TBC1D15: variants seen among roughly 807,000 people sequenced by gnomAD.
TBC1D15 encodes the protein TBC1 domain family member 15, also known as GAP for RAB7.
A neutral mutation model predicts 95.4 loss-of-function variants in TBC1D15; 39 were observed. The observed-to-expected ratio is 0.41, with a 90% confidence interval of 0.32 to 0.53. The LOEUF is 0.53. TBC1D15 is among the 20% of genes least tolerant of loss of function. TBC1D15 has a pLI of 0.29. For synonymous variants in TBC1D15, 258 were observed against 261.3 expected (o/e 0.99, Z 0.12); for missense variants, 733 against 794.3 (o/e 0.92, Z 0.93).
At chr12:71,921,332 G>T (rs1869243996) in intron 15 of TBC1D15, 36 bp from the exon 16 acceptor site, 1 of 1,263,162 alleles carries the variant, frequency 7.9e-7, no homozygotes, top group Non-Finnish European at 1.1e-6. Flanking sequence ...AGTGTATTCA[G>T]TTTCGATATC....
At chr12:71,914,260 A>T (rs574490047) in intron 12 of TBC1D15, among the ~76,000 whole-genome samples, 86 of 152,056 alleles carry the variant, frequency 5.7e-4, no homozygotes, top group African/African-American at 1.9e-3. Context: ...CTTTAATATC[A>T]TCTGTTTCAG....
Position 71,921,467 on chromosome 12 carries a change from T to C in TBC1D15, c.1803+13T>C, listed in dbSNP as rs1869306325. The stretch of plus-strand genomic sequence containing the variant: ...GGTAAAATGCAAGGTATACAGTGTT[T>C]CAAGTAATTGCAAGATTTGTTTGTT... On this transcript the variant is annotated intron_variant, in intron 16 of 16. Transcript: ENST00000485960. 2 of 1,422,486 alleles carry C rather than the reference T, an allele frequency of 1.4e-6. No homozygotes were observed. The highest frequency in any genetic ancestry group is 5.0e-5 in the East Asian group (2 of 39,720). 88.1% of individuals were successfully genotyped at this position (1,422,486 alleles called of 1,614,324 possible). A position where few individuals can be genotyped will look rare whatever the true frequency, so the allele number is the denominator to read the frequency against.
intron 6 of TBC1D15, chr12:71,894,216 A>T: frequency 3.5e-6 from 3 of 866,244 alleles, no homozygotes; most frequent in Non-Finnish European, 5.5e-6. Flanking sequence ...TAATTAGATT[A>T]AAATGTCAAC....
At chr12:71,918,718 A>G (rs375928764) in intron 14 of TBC1D15, among the ~76,000 whole-genome samples, 170 bp downstream of exon 14, 22 of 152,306 alleles carry the variant, frequency 1.4e-4, no homozygotes, top group African/African-American at 4.6e-4. Context: ...CACACTGAAT[A>G]TTTGGTCTTT....
chr12:71,893,196 T>C, intron 5 of TBC1D15, 26 bp from the exon 6 acceptor site: 1 of 1,470,524 alleles, frequency 6.8e-7, no homozygotes, highest in Non-Finnish European at 9.3e-7. Context: ...GTTAGTATTT[T>C]CTACAAATCC....
intron 4 of TBC1D15, among the ~76,000 whole-genome samples, chr12:71,883,012 T>A (rs1232953652): frequency 6.6e-6 from 1 of 152,156 alleles, no homozygotes; most frequent in Non-Finnish European, 1.5e-5. Flanking sequence ...AGCATACATA[T>A]AGTATTTAAT....
At chr12:71,892,196 A>T (rs915187880) in intron 5 of TBC1D15, among the ~76,000 whole-genome samples, 1 of 152,018 alleles carries the variant, frequency 6.6e-6, no homozygotes, top group African/African-American at 2.4e-5. Context: ...CCCCTTTTGA[A>T]AGGCCAAGGG....
intron 1 of TBC1D15, among the ~76,000 whole-genome samples, chr12:71,867,564 GT>G (rs1319078373): frequency 1.3e-5 from 2 of 152,218 alleles, no homozygotes; most frequent in African/African-American, 2.4e-5. Flanking sequence ...ACCCAAAAGT[GT>G]TCTGAATTTT....
chr12:71,869,971 A>T (rs1163899615), intron 1 of TBC1D15, among the ~76,000 whole-genome samples: 1 of 152,030 alleles, frequency 6.6e-6, no homozygotes, highest in African/African-American at 2.4e-5. Context: ...TTCTCATCCT[A>T]CTCTCCTGAA....
chr12:71,848,818 T>TA (rs1054971577), intron 1 of TBC1D15, among the ~76,000 whole-genome samples: 3 of 152,200 alleles, frequency 2.0e-5, no homozygotes, highest in African/African-American at 7.2e-5. Flanking sequence ...TTCCCTGTGG[T>TA]AACAAAGAAC....
intron 1 of TBC1D15, among the ~76,000 whole-genome samples, chr12:71,854,128 G>C (rs567770214): frequency 4.2e-4 from 64 of 152,214 alleles, no homozygotes; most frequent in African/African-American, 1.4e-3. Context: ...CCATAGCTGG[G>C]AACACACAAC....
chr12:71,883,704 A>G (rs1192165126), intron 4 of TBC1D15, among the ~76,000 whole-genome samples: 1 of 152,134 alleles, frequency 6.6e-6, no homozygotes, highest in Admixed American at 6.5e-5. Flanking sequence ...CAGAATTAAT[A>G]AAGGTCTTGA....
At chr12:71,884,762 T>C (rs745534463) in intron 4 of TBC1D15, 49 bp from the exon 5 acceptor site, 1 of 1,586,708 alleles carries the variant, frequency 6.3e-7, no homozygotes. Flanking sequence ...TGTCAGTACC[T>C]TTTAAAAAGG....
chr12:71,896,120 A>ACTAGGAG, intron 8 of TBC1D15, 45 bp downstream of exon 8: 1 of 1,464,970 alleles, frequency 6.8e-7, no homozygotes, highest in Non-Finnish European at 9.2e-7. Context: ...AACTCCTAGT[A>ACTAGGAG]TTTAGGGGTT....
At chr12:71,920,620 A>G in intron 14 of TBC1D15, 111 bp from the exon 15 acceptor site, 1 of 840,982 alleles carries the variant, frequency 1.2e-6, no homozygotes, top group Non-Finnish European at 2.0e-6. Flanking sequence ...GCTACCCTAA[A>G]CAGGCAACAT....
At chr12:71,850,267 C>A in intron 1 of TBC1D15, 1 of 515,164 alleles carries the variant, frequency 1.9e-6, no homozygotes, top group South Asian at 1.6e-5. Flanking sequence ...ATTTCTCTGT[C>A]AAATTTTGTC....
intron 1 of TBC1D15, among the ~76,000 whole-genome samples, chr12:71,863,085 A>C (rs376015643): frequency 1.3e-5 from 2 of 152,260 alleles, no homozygotes. Context: ...TCTAAGGAAA[A>C]ATCTGCTTTT....
At chr12:71,895,032 G>T (rs41421853) in intron 7 of TBC1D15, 149 bp downstream of exon 7, 46,104 of 640,150 alleles carry the variant, frequency 0.072, 2,014 homozygotes, top group South Asian at 0.14. Context: ...ATGAGTGCTT[G>T]TCCTGCCACT....
rs903247663 is a variant in TBC1D15 at position 71,913,752 on chromosome 12, T to G, written c.1301-74T>G. 4.3e-6 allele frequency: 4 copies of G among 932,098 alleles called. No individual in the cohort carries two copies. The African/African-American group carries it at 7.1e-5, about 17-fold the overall frequency. The allele number at this position is 932,098 out of a possible 1,614,324, so 57.7% of individuals were successfully genotyped here. On this transcript the variant is annotated intron_variant, in intron 11 of 16. Coordinates refer to ENST00000485960, the MANE Select transcript of TBC1D15 (RefSeq NM_001146213.3). ...AAAGATACAATTTTAAGCGAAATGG[T>G]GGTGATATGCACAACTTGCAGAAGG... is the stretch of plus-strand genomic sequence containing the variant.
Sources: allele counts gnomAD v4.1 joint callset (sites outside exome capture counted in the v4.1 genomes callset), GRCh38; gene constraint gnomAD v4.1.1; transcripts MANE v1.5; gene names NCBI Gene and HGNC (gene_info 2026-07-23, HGNC 2026-07-21).